DNHD1: variants seen among roughly 807,000 people sequenced by gnomAD.
DNHD1 encodes the protein dynein heavy chain domain-containing protein 1.
In DNHD1, 383 loss-of-function variants were observed where a neutral mutation model predicts 458.1. The ratio of observed to expected loss-of-function variants is 0.84; its 90% CI spans 0.77 to 0.91. The LOEUF (loss-of-function observed/expected upper bound fraction) is 0.91. DNHD1 is among the 40% of genes least tolerant of loss of function. DNHD1 has a pLI of 0.00. For synonymous variants in DNHD1, 2,203 were observed against 2,376.9 expected, an observed-to-expected ratio of 0.93 and a Z score of 2.13; for missense variants, 5,336 against 5,866.1, an observed-to-expected ratio of 0.91 and a Z score of 2.95.
At position 6,538,811 on chromosome 11, in the gene DNHD1, G is replaced by A; in HGVS notation, c.3325+1G>A. On this transcript the variant is annotated splice_donor_variant, in intron 16 of 42. Coordinates refer to ENST00000254579, the MANE Select transcript of DNHD1 (RefSeq NM_144666.3). LOFTEE classifies it high-confidence loss of function. ...CTCAACTGCCAGTGTCTCCTGCGTG[G>A]TATGTTTGGTTAATGTCAGAGGAGG... is the stretch of plus-strand genomic sequence containing the variant. 1.3e-6 allele frequency: 2 copies of A among 1,498,580 alleles called. No homozygotes were observed. The highest frequency in any genetic ancestry group is 1.8e-6 in the Non-Finnish European group (2 of 1,116,268). 92.8% of individuals were successfully genotyped at this position (1,498,580 alleles called of 1,614,324 possible). A position where few individuals can be genotyped will look rare whatever the true frequency, so the allele number is the denominator to read the frequency against.
chr11:6,545,747 G>T lies in DNHD1; in HGVS notation c.4808G>T (p.Arg1603Leu). 6.4e-7 allele frequency: 1 copy of T among 1,551,626 alleles called. No individual in the cohort carries two copies. The highest frequency in any genetic ancestry group is 8.7e-7 in the Non-Finnish European group (1 of 1,146,998). ...GATCTCACAGACTTTCACTGGGTCC[G>T]CCAACTCAAGTATCACTTGGGTTCA... ...VSDLTDFHWV[R>L]QLKYHLGSPH... The change falls in exon 21 of 43, where the codon CGC becomes CTC. Residue 1603 changes from arginine (R) to leucine (L), a missense_variant. Physicochemically the swap from Arg to Leu is moderately radical, Grantham distance 102. Coordinates refer to ENST00000254579, the MANE Select transcript of DNHD1 (RefSeq NM_144666.3). The surrounding 1 kb of genome is among the most constrained non-coding windows in gnomAD (Gnocchi z 4.9).
chr11:6,559,398 C>G lies in DNHD1; in HGVS notation c.9519+115C>G, dbSNP rs1265088180. The G allele has an allele frequency of 4.5e-6, 4 of 892,028 alleles. No individual in the cohort carries two copies. In the East Asian group the frequency reaches 1.1e-4, roughly 23 times the overall value. The allele number at this position is 892,028 out of a possible 1,614,324, so 55.3% of individuals were successfully genotyped here. A position where few individuals can be genotyped will look rare whatever the true frequency, so the allele number is the denominator to read the frequency against. On this transcript the variant is annotated intron_variant, in intron 28 of 42. Coordinates refer to ENST00000254579, the MANE Select transcript of DNHD1 (RefSeq NM_144666.3). ...TCTTGTCCCCCTAAGCTTCCCCTTTCCCTAGGAAATCTCTCTGATCTCCGC... is the reference window on the plus strand; with the variant it reads ...TCTTGTCCCCCTAAGCTTCCCCTTTGCCTAGGAAATCTCTCTGATCTCCGC...
rs956365365 is a variant in DNHD1 at position 6,505,886 on chromosome 11, G to T, written c.920+2960G>T. 6.6e-6 allele frequency among the ~76,000 whole-genome samples: 1 copy of T among 152,238 alleles called. No individual in the cohort carries two copies. Among genetic ancestry groups the T allele is most frequent in the Non-Finnish European group, 1.5e-5 (1 of 68,046 alleles). On this transcript the variant is annotated intron_variant, in intron 4 of 42. Coordinates refer to ENST00000254579, the MANE Select transcript of DNHD1 (RefSeq NM_144666.3). This position sits in a 1 kb window ranked among gnomAD's most constrained non-coding sequence, Gnocchi z 4.4. ...TGTCATGGCTGTAATGATAGTAATG[G>T]TAACAATGTGGGATGGAATGCCTAC... is the stretch of plus-strand genomic sequence containing the variant.
chr11:6,533,736 G>A lies in DNHD1; in HGVS notation c.2561G>A (p.Arg854Gln), dbSNP rs75796419. The A allele has an allele frequency of 1.2e-3, 1,824 of 1,551,430 alleles. 14 individuals are homozygous for A. In the African/African-American group the frequency reaches 0.022, roughly 19 times the overall value. Residue 854 changes from arginine to glutamine, a missense_variant, in exon 14 of 43, where the codon CGG becomes CAG. Around this residue, in one of 4 missense-constraint regions of DNHD1, gnomAD observed 3,932 missense variants for 4,365.6 expected, o/e 0.90. Coordinates refer to ENST00000254579, the MANE Select transcript of DNHD1 (RefSeq NM_144666.3). Reference protein sequence around the residue: ...VELEERMEYVRALHELIRNHF... With the variant: ...VELEERMEYVQALHELIRNHF... ...CTGGAGGAGCGAATGGAATACGTAC[G>A]GGCACTCCACGAACTCATCCGCAAC...
chr11:6,533,730 A>G lies in DNHD1; in HGVS notation c.2555A>G (p.Tyr852Cys). The change falls in exon 14 of 43, where the codon TAC (tyrosine) becomes TGC (cysteine). Residue 852 changes from tyrosine to cysteine, a missense_variant. Physicochemically the swap from Tyr to Cys is radical, Grantham distance 194. Coordinates refer to ENST00000254579, the MANE Select transcript of DNHD1 (RefSeq NM_144666.3). ...QYVELEERMEYVRALHELIRN... is the reference protein window; with the variant it reads ...QYVELEERMECVRALHELIRN... The stretch of plus-strand genomic sequence containing the variant: ...GTCGAGCTGGAGGAGCGAATGGAAT[A>G]CGTACGGGCACTCCACGAACTCATC... The G allele has an allele frequency of 6.4e-7, 1 of 1,551,536 alleles. No individual in the cohort carries two copies. Among genetic ancestry groups the G allele is most frequent in the Non-Finnish European group, 8.7e-7 (1 of 1,146,934 alleles).
chr11:6,545,593 G>A lies in DNHD1; in HGVS notation c.4654G>A (p.Ala1552Thr), dbSNP rs200223989. 1 of 1,551,980 alleles carries A rather than the reference G, an allele frequency of 6.4e-7. No individual in the cohort carries two copies. Among genetic ancestry groups the A allele is most frequent in the East Asian group, 2.4e-5 (1 of 40,920 alleles). The change falls in exon 21 of 43, where the codon GCC becomes ACC. Residue 1552 changes from alanine to threonine, a missense_variant. By Grantham distance (58) the Ala-to-Thr change is moderately conservative. Coordinates refer to ENST00000254579, the MANE Select transcript of DNHD1 (RefSeq NM_144666.3). The surrounding 1 kb of genome is among the most constrained non-coding windows in gnomAD (Gnocchi z 4.9). ...TGAGGTACTGGTGAATTTTATGCGG[G>A]CCCAGAGGGCTTCCCAAGGTGGGCA... ...KLEVLVNFMRAQRASQGGQSL... is the reference protein window; with the variant it reads ...KLEVLVNFMRTQRASQGGQSL...
chr11:6,565,291 C>T (rs1853673553), intron 32 of DNHD1, among the ~76,000 whole-genome samples: 1 of 152,140 alleles, frequency 6.6e-6, no homozygotes, highest in African/African-American at 2.4e-5. Context: ...GATTCTTATC[C>T]GGATGGGCCC....
At chr11:6,507,977 T>G (rs2134373473) in intron 4 of DNHD1, among the ~76,000 whole-genome samples, 1 of 152,306 alleles carries the variant, frequency 6.6e-6, no homozygotes, top group African/African-American at 2.4e-5. Flanking sequence ...TCTAGAAAGT[T>G]GAGAGAGATG....
Position 6,547,597 on chromosome 11 carries a change from A to G in DNHD1, c.6658A>G (p.Met2220Val). The change falls in exon 21 of 43, where the codon ATG (methionine) becomes GTG (valine). Residue 2220 changes from methionine to valine, a missense_variant. By Grantham distance (21) the Met-to-Val change is conservative. This residue lies in a region of DNHD1 where 3,932 missense variants were observed against 4,365.6 expected (regional missense o/e 0.90). Coordinates refer to ENST00000254579, the MANE Select transcript of DNHD1 (RefSeq NM_144666.3). ...TGCAGGTGTGGCAGAAGTTACCAGC[A>G]TGGCACGCATCTTGCATAGTCTGCT... ...VCAGVAEVTS[M>V]ARILHSLLDL... The G allele has an allele frequency of 6.5e-7, 1 of 1,547,648 alleles. No individual in the cohort carries two copies. The highest frequency in any genetic ancestry group is 8.7e-7 in the Non-Finnish European group (1 of 1,143,836).
At chr11:6,499,618 AG>A (rs1332442662) in intron 3 of DNHD1, among the ~76,000 whole-genome samples, 1 of 151,292 alleles carries the variant, frequency 6.6e-6, no homozygotes, top group African/African-American at 2.4e-5. Flanking sequence ...CCCAGGCTGG[AG>A]TGCAACGGCA....
chr11:6,515,008 A>G (rs1852429137), intron 7 of DNHD1, among the ~76,000 whole-genome samples: 2 of 152,302 alleles, frequency 1.3e-5, no homozygotes, highest in South Asian at 2.1e-4. Context: ...TCAGGAATCC[A>G]TTCCCATGAT....
At position 6,558,559 on chromosome 11, in the gene DNHD1, C is replaced by T; in HGVS notation, c.9077C>T (p.Pro3026Leu). ...GATAAACAGGCCCACAAGCAGCTGC[C>T]CTCCACCCTTTTCCTGAGGCTCCTT... The part of the protein sequence containing the change: ...IGDKQAHKQL[P>L]STLFLRLLQL... The change falls in exon 26 of 43, where the codon CCC (proline) becomes CTC (leucine). Residue 3026 changes from proline to leucine, a missense_variant. Physicochemically the swap from Pro to Leu is moderately conservative, Grantham distance 98. Coordinates refer to ENST00000254579, the MANE Select transcript of DNHD1 (RefSeq NM_144666.3). 1 of 1,551,742 alleles carries T rather than the reference C, an allele frequency of 6.4e-7. No homozygotes were observed. Among genetic ancestry groups the T allele is most frequent in the Non-Finnish European group, 8.7e-7 (1 of 1,146,994 alleles).
intron 6 of DNHD1, 129 bp from the exon 7 acceptor site, chr11:6,511,144 C>A: frequency 7.9e-7 from 1 of 1,261,490 alleles, no homozygotes; most frequent in Non-Finnish European, 1.1e-6. Context: ...CACTATTGGT[C>A]ACTGTTGGTA....
chr11:6,516,418 C>A (rs1197506568), intron 7 of DNHD1, among the ~76,000 whole-genome samples: 2 of 151,602 alleles, frequency 1.3e-5, no homozygotes, highest in African/African-American at 4.9e-5. Flanking sequence ...CTACCTCAGC[C>A]TCCCGAGTAG....
intron 32 of DNHD1, 43 bp downstream of exon 32, chr11:6,564,847 C>T: frequency 7.1e-7 from 1 of 1,402,074 alleles, no homozygotes; most frequent in Non-Finnish European, 9.5e-7. Flanking sequence ...AGTATCTGAA[C>T]TGCCCAACAC....
At chr11:6,518,091 G>A (rs1240460971) in intron 7 of DNHD1, among the ~76,000 whole-genome samples, 1 of 152,184 alleles carries the variant, frequency 6.6e-6, no homozygotes, top group East Asian at 1.9e-4. Context: ...TTTTGAGACA[G>A]AATCTCACTC....
chr11:6,563,046 A>G lies in DNHD1; in HGVS notation c.9584A>G (p.Glu3195Gly). The change falls in exon 29 of 43, where the codon GAG becomes GGG. Residue 3195 changes from glutamate to glycine, a missense_variant. By Grantham distance (98) the Glu-to-Gly change is moderately conservative. Coordinates refer to ENST00000254579, the MANE Select transcript of DNHD1 (RefSeq NM_144666.3). ...SKLLYKQQLE[E>G]CRHQENLIEN... The stretch of plus-strand genomic sequence containing the variant: ...CTCCTATACAAGCAGCAGCTGGAAG[A>G]GTGTCGGCATCAAGAGAACCTCATT... 2 of 1,551,726 alleles carry G rather than the reference A, an allele frequency of 1.3e-6. No individual in the cohort carries two copies. The highest frequency in any genetic ancestry group is 1.2e-5 in the South Asian group (1 of 84,068).
At chr11:6,532,589 A>T (rs1041374488) in intron 12 of DNHD1, among the ~76,000 whole-genome samples, 4 of 152,120 alleles carry the variant, frequency 2.6e-5, no homozygotes, top group African/African-American at 7.2e-5. Context: ...ACACTGTTTC[A>T]TCTTTTTGGA....
rs370758058 is a variant in DNHD1, at chr11:6,556,703, C to T, written c.7408C>T (p.Pro2470Ser). Residue 2470 changes from proline (P) to serine (S), a missense_variant, in exon 25 of 43, where the codon CCA (proline) becomes TCA (serine). By Grantham distance (74) the Pro-to-Ser change is moderately conservative. Coordinates refer to ENST00000254579, the MANE Select transcript of DNHD1 (RefSeq NM_144666.3). Reference protein sequence around the residue: ...ATSDPEKSCQPVLETLRQAMD... With the variant: ...ATSDPEKSCQSVLETLRQAMD... ...CATAGACCCAGAGAAGAGCTGCCAG[C>T]CAGTGTTGGAGACTCTGCGCCAGGC... 2.6e-6 allele frequency: 4 copies of T among 1,543,714 alleles called. No homozygotes were observed. Among genetic ancestry groups the T allele is most frequent in the African/African-American group, 1.4e-5 (1 of 72,898 alleles).
Sources: gnomAD v4.1 joint callset for allele counts (sites outside exome capture counted in the v4.1 genomes callset) on GRCh38, gnomAD v4.1.1 for gene constraint, gnomAD v4.1.1 regional missense constraint, Gnocchi (gnomAD v3.1) non-coding constraint, MANE v1.5 for transcripts, NCBI Gene and HGNC (gene_info 2026-07-23, HGNC 2026-07-21) for gene names.